The following DPP6 variants were observed in gnomAD, a reference collection of about 807,000 sequenced individuals.
DPP6 encodes dipeptidyl peptidase like 6.
In DPP6, 69 loss-of-function variants were observed where a neutral mutation model predicts 122.6. That is an observed-to-expected ratio of 0.56 (90% CI 0.46 to 0.69). The LOEUF (loss-of-function observed/expected upper bound fraction) is 0.69, where lower values mean the gene tolerates loss of function less well. DPP6 is among the 30% of genes least tolerant of loss of function. The pLI is 0.00. For missense variants in DPP6, 928 were observed against 1,116.9 expected, an observed-to-expected ratio of 0.83 and a Z score of 2.41; for synonymous variants, 418 against 433.1, an observed-to-expected ratio of 0.97 and a Z score of 0.43.
Position 154,605,621 on chromosome 7 carries a change from A to G in DPP6, c.628-32200A>G, listed in dbSNP as rs1269600027. Among the ~76,000 whole-genome samples, 5 of 119,528 alleles carry G rather than the reference A, an allele frequency of 4.2e-5. 2 individuals are homozygous for G. The highest frequency in any genetic ancestry group is 9.4e-5 in the Non-Finnish European group (5 of 53,056). The allele number at this position is 119,528 out of a possible 152,430, so 78.4% of individuals were successfully genotyped here. ...TGTTTTGATCTTGATCAATTTTTAT[A>G]TAATTTTGCATGTTAGTACTATTCT... On this transcript the variant is annotated intron_variant, in intron 5 of 25. Transcript: ENST00000377770.
At chr7:153,844,603 A>G in the DPP6 span, among the ~76,000 whole-genome samples, 2 of 152,236 alleles carry the variant, frequency 1.3e-5, no homozygotes, top group Non-Finnish European at 1.5e-5. Context: ...TATTTTTTTC[A>G]ACAATTTAAA....
intron 1 of DPP6, among the ~76,000 whole-genome samples, chr7:154,329,103 A>G (rs1808696661): frequency 1.3e-5 from 2 of 152,254 alleles, no homozygotes; most frequent in African/African-American, 4.8e-5. Flanking sequence ...AAGGAAGAAT[A>G]GATTGGAACA....
upstream of DPP6, chr7:154,052,328 G>T (rs1418092808): frequency 6.5e-6 from 1 of 153,106 alleles, no homozygotes; most frequent in African/African-American, 2.4e-5. The surrounding 1 kb of genome is among the most constrained non-coding windows in gnomAD (Gnocchi z 4.8). Flanking sequence ...GGTGGGGAAG[G>T]GGGCGGAGGG....
chr7:154,862,454 TA>T (rs1371214776), intron 17 of DPP6, among the ~76,000 whole-genome samples: 13 of 152,348 alleles, frequency 8.5e-5, no homozygotes, highest in African/African-American at 3.1e-4. Flanking sequence ...TGGAACGTGT[TA>T]GACTTCAGTC....
chr7:154,155,900 A>G (rs992227216), intron 1 of DPP6, among the ~76,000 whole-genome samples: 3 of 152,170 alleles, frequency 2.0e-5, no homozygotes, highest in African/African-American at 7.2e-5. Context: ...TAGTATGTTT[A>G]TTGTGTACTC....
At chr7:154,131,825 C>T (rs1795299003) in intron 1 of DPP6, among the ~76,000 whole-genome samples, 1 of 152,096 alleles carries the variant, frequency 6.6e-6, no homozygotes, top group Non-Finnish European at 1.5e-5. Flanking sequence ...AAAGAATAAA[C>T]AATTTCATGA....
chr7:154,769,656 A>T, intron 9 of DPP6, 85 bp downstream of exon 9: 1 of 1,408,738 alleles, frequency 7.1e-7, no homozygotes, highest in East Asian at 2.6e-5. Flanking sequence ...AGACGTGATC[A>T]TCAGACATGT....
At position 154,138,122 on chromosome 7, in the gene DPP6, T is replaced by C. The variant is rs147237585; in HGVS notation, c.243+85059T>C. Among the ~76,000 whole-genome samples, 188 of 152,336 alleles carry C rather than the reference T, an allele frequency of 1.2e-3. 2 individuals are homozygous for C. Among genetic ancestry groups the C allele is most frequent in the African/African-American group, 4.1e-3 (171 of 41,582 alleles). ...CCTCTTCTTTGCAAACGAGGTGTTT[T>C]TGTGAACAGAAAATATGTGGACTTG... On this transcript the variant is annotated intron_variant, in intron 1 of 25. Transcript: ENST00000377770.
In DPP6 at chr7:154,403,883, T is replaced by C. The variant is rs1022728258; in HGVS notation, c.244-42331T>C. Among the ~76,000 whole-genome samples, 2 of 152,248 alleles carry C rather than the reference T, an allele frequency of 1.3e-5. No individual in the cohort carries two copies. Among genetic ancestry groups the C allele is most frequent in the African/African-American group, 4.8e-5 (2 of 41,472 alleles). ...TCTTTGGAAGCATTTCATTTCCTTT[T>C]CTAGAAAATTTGGAGCTGAAGTGCT... On this transcript the variant is annotated intron_variant, in intron 1 of 25. Transcript: ENST00000377770. The surrounding 1 kb of genome is among the most constrained non-coding windows in gnomAD (Gnocchi z 4.1).
the DPP6 span, among the ~76,000 whole-genome samples, chr7:153,864,178 T>G: frequency 1.1e-4 from 17 of 152,298 alleles, 1 homozygote; most frequent in Admixed American, 9.8e-4. Flanking sequence ...CACAACAACT[T>G]CACCATTTTA....
chr7:153,783,726 C>G, the DPP6 span, among the ~76,000 whole-genome samples: 1 of 152,196 alleles, frequency 6.6e-6, no homozygotes, highest in Admixed American at 6.5e-5. Context: ...ATTTTGAAAA[C>G]TGTCACTATT....
At chr7:153,843,186 AC>A in the DPP6 span, among the ~76,000 whole-genome samples, 1 of 151,704 alleles carries the variant, frequency 6.6e-6, no homozygotes, top group Admixed American at 6.5e-5. Flanking sequence ...GTGCATACAC[AC>A]GCGTGCATAC....
At chr7:154,190,911 C>CATT (rs1409221840) in intron 1 of DPP6, among the ~76,000 whole-genome samples, 5 of 152,106 alleles carry the variant, frequency 3.3e-5, no homozygotes, top group Non-Finnish European at 7.4e-5. Flanking sequence ...AGAAAATTTC[C>CATT]ATTATCAGCT....
intron 3 of DPP6, among the ~76,000 whole-genome samples, chr7:154,510,872 T>C (rs924802353): frequency 6.6e-6 from 1 of 151,918 alleles, no homozygotes; most frequent in Non-Finnish European, 1.5e-5. Context: ...GTGCTTGCTC[T>C]TGCTCTCACT....
chr7:153,846,245 T>G, the DPP6 span, among the ~76,000 whole-genome samples: 2 of 152,232 alleles, frequency 1.3e-5, no homozygotes, highest in Non-Finnish European at 2.9e-5. Context: ...TCTCCTGTAC[T>G]ACTGGCTTTT....
intron 1 of DPP6, among the ~76,000 whole-genome samples, chr7:154,103,053 C>T (rs1266933603): frequency 6.6e-6 from 1 of 152,026 alleles, no homozygotes; most frequent in Non-Finnish European, 1.5e-5. Context: ...CTGTGTTCTC[C>T]AAACAGACAT....
At chr7:154,592,663 CAG>C (rs756897320) in intron 5 of DPP6, among the ~76,000 whole-genome samples, 108 of 152,230 alleles carry the variant, frequency 7.1e-4, no homozygotes, top group Non-Finnish European at 1.2e-3. Flanking sequence ...AGTGGCCCAG[CAG>C]ACGCAGGACA....
At chr7:153,778,693 A>G in the DPP6 span, among the ~76,000 whole-genome samples, 1 of 152,060 alleles carries the variant, frequency 6.6e-6, no homozygotes, top group Admixed American at 6.5e-5. Flanking sequence ...AAACTAAGTG[A>G]GGCCAGTATG....
At chr7:154,344,095 G>A (rs1810181248) in intron 1 of DPP6, among the ~76,000 whole-genome samples, 1 of 152,210 alleles carries the variant, frequency 6.6e-6, no homozygotes, top group African/African-American at 2.4e-5. Flanking sequence ...AAGGTAGGCA[G>A]GAGGGGCACT....
Sources: gnomAD v4.1 joint callset for allele counts (sites outside exome capture counted in the v4.1 genomes callset) on GRCh38, gnomAD v4.1.1 for gene constraint, Gnocchi (gnomAD v3.1) non-coding constraint, MANE v1.5 for transcripts, NCBI Gene and HGNC (gene_info 2026-07-23, HGNC 2026-07-21) for gene names.